Variants in GLYATL1 observed in about 807,000 individuals in gnomAD.
GLYATL1 encodes the protein glycine-N-acyltransferase like 1, also known as glycine N-acyltransferase-like protein 1.
Under a neutral mutation model 20.0 loss-of-function variants are expected in GLYATL1, and 15 were observed. The ratio of observed to expected loss-of-function variants is 0.75; its 90% CI spans 0.50 to 1.15. GLYATL1 has a LOEUF of 1.15. GLYATL1 is among the 50% of genes most tolerant of loss of function. The probability of loss-of-function intolerance (pLI) is 0.00; values close to 1 mark genes in which losing one functional copy is unlikely to be tolerated. For missense variants in GLYATL1, 380 were observed against 368.5 expected (o/e 1.03, Z -0.26); for synonymous variants, 151 against 131.5 (o/e 1.15, Z -1.01).
chr11:58,936,785 C>T (rs1308491792), upstream of GLYATL1, among the ~76,000 whole-genome samples: 2 of 152,146 alleles, frequency 1.3e-5, no homozygotes, highest in Non-Finnish European at 2.9e-5. Flanking sequence ...GATGCCAAAG[C>T]CAAGAAAGCA....
intron 1 of GLYATL1, 142 bp from the exon 2 acceptor site, chr11:58,943,401 C>T (rs943115207): frequency 5.6e-5 from 85 of 1,529,278 alleles, no homozygotes; most frequent in Non-Finnish European, 6.9e-5. Flanking sequence ...CCTTTTTTGT[C>T]TATAAATTCA....
intron 1 of GLYATL1, among the ~76,000 whole-genome samples, chr11:58,929,305 T>G (rs1414187517): frequency 1.3e-5 from 2 of 152,260 alleles, no homozygotes; most frequent in African/African-American, 4.8e-5. Flanking sequence ...GCTGATATTC[T>G]TATTAGAAAT....
At chr11:58,937,252 G>T (rs1443072782), upstream of GLYATL1, among the ~76,000 whole-genome samples, 1 of 152,170 alleles carries the variant, frequency 6.6e-6, no homozygotes, top group African/African-American at 2.4e-5. Flanking sequence ...CAGATATGAA[G>T]AATCTGCTCA....
intron 1 of GLYATL1, among the ~76,000 whole-genome samples, chr11:58,918,879 C>T (rs147401995): frequency 3.7e-4 from 57 of 152,292 alleles, no homozygotes; most frequent in African/African-American, 1.3e-3. Flanking sequence ...AGTGACATCT[C>T]GGTCTCATGG....
downstream of GLYATL1, among the ~76,000 whole-genome samples, chr11:58,912,334 GC>G (rs1855065244): frequency 6.6e-6 from 1 of 152,184 alleles, no homozygotes. Context: ...GCATCATGCA[GC>G]TTTAAGATTG....
At chr11:58,940,069 C>T (rs1856028520) in intron 1 of GLYATL1, among the ~76,000 whole-genome samples, 1 of 152,168 alleles carries the variant, frequency 6.6e-6, no homozygotes, top group African/African-American at 2.4e-5. Context: ...AACTGACACT[C>T]TTTTGTAACA....
At chr11:58,906,787 C>A (rs895175108) in intron 1 of GLYATL1, among the ~76,000 whole-genome samples, 1 of 152,186 alleles carries the variant, frequency 6.6e-6, no homozygotes, top group Admixed American at 6.5e-5. Context: ...AGGTTACCTT[C>A]ATAGGTTCTG....
chr11:58,936,481 CA>C (rs988609435), upstream of GLYATL1, among the ~76,000 whole-genome samples: 2 of 152,202 alleles, frequency 1.3e-5, no homozygotes, highest in African/African-American at 4.8e-5. Context: ...GGAAGTTAGG[CA>C]GGTGCTCAGA....
At chr11:58,907,758 G>T in exon 2 of GLYATL1, 1 of 206,588 alleles carries the variant, frequency 4.8e-6, no homozygotes. Context: ...CAATATTCTT[G>T]AGCTTTGTTC....
chr11:58,915,266 T>C (rs1184313387), intron 1 of GLYATL1, among the ~76,000 whole-genome samples: 3 of 152,186 alleles, frequency 2.0e-5, no homozygotes, highest in Non-Finnish European at 4.4e-5. Flanking sequence ...TGATTTTAAT[T>C]CTAGACAGTC....
chr11:58,948,088 C>T, intron 4 of GLYATL1, 123 bp downstream of exon 4: 1 of 679,724 alleles, frequency 1.5e-6, no homozygotes, highest in South Asian at 1.6e-5. Context: ...TAAAACACTC[C>T]TTCAGTACTG....
intron 4 of GLYATL1, among the ~76,000 whole-genome samples, chr11:58,953,492 G>T (rs1405393124): frequency 8.3e-6 from 1 of 121,052 alleles, no homozygotes; most frequent in African/African-American, 3.1e-5. Flanking sequence ...CTCTGTTTTT[G>T]CCATTTAAAA....
At chr11:58,912,264 G>A (rs1855063991), downstream of GLYATL1, among the ~76,000 whole-genome samples, 1 of 152,192 alleles carries the variant, frequency 6.6e-6, no homozygotes, top group Non-Finnish European at 1.5e-5. Context: ...AGGAGACAAG[G>A]CAAGAACTAG....
upstream of GLYATL1, among the ~76,000 whole-genome samples, chr11:58,924,206 G>T (rs1340899357): frequency 6.6e-6 from 1 of 152,174 alleles, no homozygotes; most frequent in African/African-American, 2.4e-5. Context: ...CACACTTATG[G>T]ATAATTAACA....
chr11:58,956,143 C>T lies in GLYATL1; in HGVS notation c.*116C>T. On this transcript the variant is annotated 3_prime_UTR_variant, in exon 7 of 7. Transcript: ENST00000532726. ...TTGGGCACTTATAATACAGCAGGAA[C>T]TCTTCTCACCTGGAGCCTTGATGTT... 3 of 867,650 alleles carry T rather than the reference C, an allele frequency of 3.5e-6. No homozygotes were observed. Among genetic ancestry groups the T allele is most frequent in the Non-Finnish European group, 3.6e-6 (2 of 563,174 alleles). 53.7% of individuals were successfully genotyped at this position (867,650 alleles called of 1,614,324 possible).
intron 1 of GLYATL1, among the ~76,000 whole-genome samples, chr11:58,906,486 G>A (rs1339262735): frequency 6.6e-6 from 1 of 152,090 alleles, no homozygotes; most frequent in African/African-American, 2.4e-5. Flanking sequence ...TGTAGTGAGG[G>A]GGTGCTTTTT....
intron 3 of GLYATL1, 61 bp downstream of exon 3, chr11:58,947,226 A>G: frequency 6.4e-7 from 1 of 1,566,374 alleles, no homozygotes; most frequent in Non-Finnish European, 8.6e-7. Context: ...AGAAAATAGC[A>G]GGCTTGTGAT....
intron 1 of GLYATL1, among the ~76,000 whole-genome samples, chr11:58,941,781 C>G (rs925758385): frequency 6.6e-6 from 1 of 152,176 alleles, no homozygotes; most frequent in Admixed American, 6.5e-5. Flanking sequence ...AGGGAGGTGA[C>G]TGGAGTCTAA....
rs1307073404 is a variant in GLYATL1 at position 58,955,459 on chromosome 11, A to G, written c.491+106A>G. On this transcript the variant is annotated intron_variant, in intron 6 of 6. Coordinates refer to ENST00000532726, the MANE Select transcript of GLYATL1 (RefSeq NM_001389712.2). ...AGAGAGGATGAATTCATTCCTTGGG[A>G]TGAATAAAGGTTGTCAAAGTTCAAG... is the stretch of plus-strand genomic sequence containing the variant. 4 of 1,366,372 alleles carry G rather than the reference A, an allele frequency of 2.9e-6. No individual in the cohort carries two copies. The East Asian group carries it at 7.1e-5, about 24-fold the overall frequency. 84.6% of individuals were successfully genotyped at this position (1,366,372 alleles called of 1,614,324 possible). A position where few individuals can be genotyped will look rare whatever the true frequency, so the allele number is the denominator to read the frequency against.
Sources: allele counts gnomAD v4.1 joint callset (sites outside exome capture counted in the v4.1 genomes callset), GRCh38; gene constraint gnomAD v4.1.1; transcripts MANE v1.5; gene names NCBI Gene and HGNC (gene_info 2026-07-23, HGNC 2026-07-21).